The following MYO5A variants were observed in gnomAD, a reference collection of about 807,000 sequenced individuals.
MYO5A encodes the protein unconventional myosin-Va.
A neutral mutation model predicts 249.7 loss-of-function variants in MYO5A; 98 were observed. The ratio of observed to expected loss-of-function variants is 0.39; its 90% CI spans 0.33 to 0.46. MYO5A has a LOEUF of 0.46. MYO5A is among the 20% of genes least tolerant of loss of function. MYO5A has a pLI of 0.98. For missense variants in MYO5A, 1,696 were observed against 2,308.8 expected, an observed-to-expected ratio of 0.73 and a Z score of 5.44; for synonymous variants, 778 against 810.6, an observed-to-expected ratio of 0.96 and a Z score of 0.68.
At chr15:52,377,664 G>T (rs1387508129) in intron 18 of MYO5A, among the ~76,000 whole-genome samples, 4 of 149,274 alleles carry the variant, frequency 2.7e-5, no homozygotes, top group African/African-American at 9.8e-5. Flanking sequence ...TCCGCCTTCT[G>T]GGTTCAAGCG....
intron 2 of MYO5A, among the ~76,000 whole-genome samples, chr15:52,431,661 G>A (rs1033408439): frequency 1.4e-5 from 2 of 142,436 alleles, no homozygotes; most frequent in Admixed American, 1.5e-4. Flanking sequence ...AGTATCTTAG[G>A]GTACCAGGAG....
In MYO5A at chr15:52,314,134, G is replaced by A. The variant is rs751712752; in HGVS notation, c.5479C>T (p.Arg1827Cys). The A allele has an allele frequency of 3.7e-6, 6 of 1,607,936 alleles. No individual in the cohort carries two copies. In the Admixed American group the frequency reaches 5.0e-5, roughly 13 times the overall value. The change falls in exon 41 of 42, where the codon CGT becomes TGT. Residue 1827 changes from arginine to cysteine, a missense_variant. Arg to Cys is a radical substitution (Grantham distance 180). Coordinates refer to ENST00000399233, the MANE Select transcript of MYO5A (RefSeq NM_001382347.1). ...ATGGGAGCTCTTACCTGTATAGTAC[G>A]AATGAACGACACAGAGACTCTTTCT... is the stretch of plus-strand genomic sequence containing the variant. ...FEERVSVSFI[R>C]TIQMRLRDRK...
At chr15:52,446,750 T>C (rs558820130) in intron 1 of MYO5A, among the ~76,000 whole-genome samples, 218 of 152,322 alleles carry the variant, frequency 1.4e-3, no homozygotes, top group African/African-American at 5.1e-3. Flanking sequence ...AACCCACTCT[T>C]TCTATCAGTG....
intron 1 of MYO5A, among the ~76,000 whole-genome samples, chr15:52,455,167 T>A (rs985424147): frequency 1.3e-5 from 2 of 151,928 alleles, no homozygotes; most frequent in African/African-American, 4.8e-5. Context: ...AAAGAATCAT[T>A]AGAGACATTA....
At chr15:52,329,905 A>ATTTTTTTTTTCTTTTTT (rs2038797174) in intron 35 of MYO5A, among the ~76,000 whole-genome samples, 1 of 119,750 alleles carries the variant, frequency 8.4e-6, no homozygotes, top group Non-Finnish European at 1.6e-5. Context: ...CGCCTGGGTA[A>ATTTTTTTTTTCTTTTTT]TTTTTTTTTT....
At chr15:52,356,448 T>G (rs28415069) in intron 25 of MYO5A, among the ~76,000 whole-genome samples, 2,740 of 152,212 alleles carry the variant, frequency 0.018, 52 homozygotes, top group South Asian at 0.058. Flanking sequence ...CATTATAATT[T>G]TATATGGTCT....
intron 2 of MYO5A, 126 bp downstream of exon 2, chr15:52,433,049 T>C (rs1317700431): frequency 6.8e-6 from 5 of 733,802 alleles, no homozygotes; most frequent in Non-Finnish European, 1.2e-5. Context: ...TTTACCAATT[T>C]AGTAAGTAAA....
intron 36 of MYO5A, chr15:52,323,826 A>C (rs779766562): frequency 3.2e-5 from 9 of 283,602 alleles, no homozygotes; most frequent in Non-Finnish European, 6.1e-5. Flanking sequence ...CAACATGGCG[A>C]AACCCCGTCT....
Position 52,310,467 on chromosome 15 carries a change from C to G in MYO5A, c.*3229G>C, listed in dbSNP as rs1450027957. ...AGAACTGTTGTGACTTTTAAGATCTCTTCCTTTGAATTCCCATTGTGTGTC... is the reference window on the plus strand; with the variant it reads ...AGAACTGTTGTGACTTTTAAGATCTGTTCCTTTGAATTCCCATTGTGTGTC... On this transcript the variant is annotated 3_prime_UTR_variant, in exon 42 of 42. Coordinates refer to ENST00000399233, the MANE Select transcript of MYO5A (RefSeq NM_001382347.1). 6.6e-6 allele frequency: 1 copy of G among 152,242 alleles called. No homozygotes were observed. Among genetic ancestry groups the G allele is most frequent in the Non-Finnish European group, 1.5e-5 (1 of 68,056 alleles). The allele number at this position is 152,242 out of a possible 1,614,324, so 9.4% of individuals were successfully genotyped here. A position where few individuals can be genotyped will look rare whatever the true frequency, so the allele number is the denominator to read the frequency against.
At chr15:52,315,446 C>T (rs1414866789) in intron 40 of MYO5A, among the ~76,000 whole-genome samples, 1 of 151,926 alleles carries the variant, frequency 6.6e-6, no homozygotes, top group Non-Finnish European at 1.5e-5. Context: ...ACAATCTTGG[C>T]TCACTGCCAC....
intron 1 of MYO5A, among the ~76,000 whole-genome samples, chr15:52,436,125 G>A (rs1307831755): frequency 1.3e-5 from 2 of 152,026 alleles, no homozygotes; most frequent in Non-Finnish European, 1.5e-5. Flanking sequence ...ACAGGGTTTC[G>A]CCATGTTGGC....
chr15:52,431,699 A>T (rs966991108), intron 2 of MYO5A, among the ~76,000 whole-genome samples: 8 of 151,528 alleles, frequency 5.3e-5, no homozygotes, highest in East Asian at 2.0e-4. Flanking sequence ...AAAAAAAAAA[A>T]AATAAGCCAG....
intron 40 of MYO5A, among the ~76,000 whole-genome samples, chr15:52,316,090 C>T (rs1198541239): frequency 3.3e-5 from 5 of 150,784 alleles, no homozygotes; most frequent in African/African-American, 1.2e-4. Flanking sequence ...AAAAATTAGC[C>T]AGGCGTGGTG....
chr15:52,344,551 A>G (rs2039526057), intron 30 of MYO5A, among the ~76,000 whole-genome samples: 1 of 152,168 alleles, frequency 6.6e-6, no homozygotes, highest in East Asian at 1.9e-4. Context: ...CATTTCTGTC[A>G]ATCCTAACTG....
At chr15:52,411,117 C>T (rs1047046147) in intron 5 of MYO5A, among the ~76,000 whole-genome samples, 6 of 152,148 alleles carry the variant, frequency 3.9e-5, no homozygotes, top group Non-Finnish European at 8.8e-5. Context: ...TGGGAGCTGC[C>T]AAGGCATAGG....
Position 52,389,512 on chromosome 15 carries a change from T to C in MYO5A, c.1543-149A>G. 5.0e-6 allele frequency: 4 copies of C among 793,000 alleles called. No homozygotes were observed. In the South Asian group the frequency reaches 7.4e-5, roughly 15 times the overall value. 49.1% of individuals were successfully genotyped at this position (793,000 alleles called of 1,614,324 possible). A position where few individuals can be genotyped will look rare whatever the true frequency, so the allele number is the denominator to read the frequency against. Reference sequence around the variant, plus strand: ...ATTTAGGAGTTCATTCCTTCCACATTTCATTGTTAGAGGCCAACAACCAAT... The same window carrying C: ...ATTTAGGAGTTCATTCCTTCCACATCTCATTGTTAGAGGCCAACAACCAAT... On this transcript the variant is annotated intron_variant, in intron 12 of 41. Transcript: ENST00000399233.
intron 1 of MYO5A, among the ~76,000 whole-genome samples, chr15:52,520,824 A>G (rs1325337063): frequency 6.6e-6 from 1 of 152,260 alleles, no homozygotes; most frequent in Non-Finnish European, 1.5e-5. Flanking sequence ...GTAAATGTTT[A>G]AAGTAGAAAT....
At position 52,404,501 on chromosome 15, in the gene MYO5A, A is replaced by G. The variant is rs544521883; in HGVS notation, c.1053+786T>C. On this transcript the variant is annotated intron_variant, in intron 9 of 41. Transcript: ENST00000399233. ...AGTGAGTTGAATAAACACCATTTAA[A>G]TTAAGGCCTTAATTAAGAATACCAC... Among the ~76,000 whole-genome samples the G allele has an allele frequency of 5.3e-5, 8 of 152,302 alleles. No homozygotes were observed. The East Asian group carries it at 1.5e-3, about 29-fold the overall frequency.
intron 1 of MYO5A, among the ~76,000 whole-genome samples, chr15:52,454,439 C>T (rs944193230): frequency 6.6e-6 from 1 of 152,122 alleles, no homozygotes; most frequent in Non-Finnish European, 1.5e-5. Context: ...ACCTCACTGT[C>T]AGTAATGGAC....
Sources: allele counts gnomAD v4.1 joint callset (sites outside exome capture counted in the v4.1 genomes callset), GRCh38; gene constraint gnomAD v4.1.1; transcripts MANE v1.5; gene names NCBI Gene and HGNC (gene_info 2026-07-23, HGNC 2026-07-21).